CELF4: variants seen among roughly 807,000 people sequenced by gnomAD.
The protein encoded by CELF4 is CUG-BP- and ETR-3-like factor 4.
Under a neutral mutation model 59.9 loss-of-function variants are expected in CELF4, and 18 were observed. That is an observed-to-expected ratio of 0.30 (90% CI 0.21 to 0.45). The LOEUF (loss-of-function observed/expected upper bound fraction) is 0.45, where lower values mean the gene tolerates loss of function less well. Among genes scored for constraint, CELF4 ranks in the 20% least tolerant of loss-of-function variants. The pLI is 1.00. For synonymous variants in CELF4, 261 were observed against 267.1 expected (o/e 0.98, Z 0.22); for missense variants, 456 against 689.0 (o/e 0.66, Z 3.79).
At chr18:37,323,741 C>T (rs2097203512) in intron 2 of CELF4, among the ~76,000 whole-genome samples, 1 of 152,210 alleles carries the variant, frequency 6.6e-6, no homozygotes, top group South Asian at 2.1e-4. Flanking sequence ...GGACAGATTT[C>T]TACAGCTTTT....
chr18:37,421,280 G>T (rs1268311505), intron 2 of CELF4, among the ~76,000 whole-genome samples: 1 of 152,208 alleles, frequency 6.6e-6, no homozygotes, highest in African/African-American at 2.4e-5. Context: ...AGAACACAGG[G>T]CTCCCAGCTC....
chr18:37,281,854 G>A (rs1007828238), intron 3 of CELF4, among the ~76,000 whole-genome samples: 9 of 152,170 alleles, frequency 5.9e-5, no homozygotes, highest in Non-Finnish European at 1.0e-4. Flanking sequence ...CTCTGGGCCC[G>A]CAGGCAGTGA....
At chr18:37,523,225 C>G (rs1210196941) in intron 1 of CELF4, among the ~76,000 whole-genome samples, 1 of 152,138 alleles carries the variant, frequency 6.6e-6, no homozygotes, top group East Asian at 1.9e-4. Flanking sequence ...ATCCAGAAGT[C>G]TTCAGAGGCT....
At chr18:37,348,712 C>G (rs776834808) in intron 2 of CELF4, among the ~76,000 whole-genome samples, 2 of 152,212 alleles carry the variant, frequency 1.3e-5, no homozygotes, top group African/African-American at 4.8e-5. Flanking sequence ...CAAAACCCAT[C>G]GGGGGTCATT....
chr18:37,534,039 C>T (rs1258256419), intron 1 of CELF4, among the ~76,000 whole-genome samples: 3 of 152,194 alleles, frequency 2.0e-5, no homozygotes, highest in Admixed American at 6.5e-5. Flanking sequence ...TGGACCTGGC[C>T]GCTGGGCCCC....
intron 2 of CELF4, among the ~76,000 whole-genome samples, chr18:37,470,887 T>TGTGTGTGAGAGAGAGAGAGAGAGA (rs1325788685): frequency 8.3e-5 from 6 of 71,962 alleles, no homozygotes; most frequent in Admixed American, 1.8e-4. Flanking sequence ...TGTGTGTGTG[T>TGTGTGTGAGAGAGAGAGAGAGAGA]GACAGAGAGA....
rs117609614 is a variant in CELF4, at chr18:37,458,499, A to C, written c.369+27026T>G. On this transcript the variant is annotated intron_variant, in intron 2 of 12. Coordinates refer to ENST00000420428, the MANE Select transcript of CELF4 (RefSeq NM_020180.4). ...GTATTTCACCTCCTGGCATGGAATG[A>C]GGTTCTTCAACCTGCTATTTTTGGG... Among the ~76,000 whole-genome samples, 82 of 152,330 alleles carry C rather than the reference A, an allele frequency of 5.4e-4. No individual in the cohort carries two copies. In the East Asian group the frequency reaches 0.015, roughly 28 times the overall value.
intron 1 of CELF4, among the ~76,000 whole-genome samples, chr18:37,522,736 C>CCTGAGAGGTGAGAGGTGAG (rs2099958989): frequency 6.6e-6 from 1 of 152,176 alleles, no homozygotes; most frequent in Non-Finnish European, 1.5e-5. Flanking sequence ...CCGCTGGAGG[C>CCTGAGAGGTGAGAGGTGAG]CCTGGGCCAC....
At chr18:37,431,390 T>C (rs566350419) in intron 2 of CELF4, among the ~76,000 whole-genome samples, 167 of 127,390 alleles carry the variant, frequency 1.3e-3, no homozygotes, top group Middle Eastern at 4.5e-3. Flanking sequence ...TTTTTTGAGA[T>C]GGAGTCTTGT....
At chr18:37,414,902 A>G (rs1334267041) in intron 2 of CELF4, among the ~76,000 whole-genome samples, 1 of 152,080 alleles carries the variant, frequency 6.6e-6, no homozygotes, top group East Asian at 1.9e-4. Context: ...CTACTCATCT[A>G]TCTATCCATC....
At chr18:37,367,704 T>TC (rs1019179440) in intron 2 of CELF4, among the ~76,000 whole-genome samples, 1 of 151,752 alleles carries the variant, frequency 6.6e-6, no homozygotes, top group African/African-American at 2.4e-5. Context: ...TCTTTTTTTT[T>TC]TTTCTTAAAA....
At chr18:37,326,682 C>T (rs1228737930) in intron 2 of CELF4, among the ~76,000 whole-genome samples, 2 of 152,294 alleles carry the variant, frequency 1.3e-5, no homozygotes, top group Non-Finnish European at 2.9e-5. Context: ...CCCTTGTGGA[C>T]TGTGTTTCTA....
rs561935122 is a variant in CELF4, at chr18:37,524,380, G to A, written c.287-38773C>T. Reference sequence around the variant, plus strand: ...CCAACCCGAGGAATAAGGAGTCCAGGGTCTTTTAAAATCCCTGTCTCTGTT... The same window carrying A: ...CCAACCCGAGGAATAAGGAGTCCAGAGTCTTTTAAAATCCCTGTCTCTGTT... On this transcript the variant is annotated intron_variant, in intron 1 of 12. Transcript: ENST00000420428. 2.0e-5 allele frequency among the ~76,000 whole-genome samples: 3 copies of A among 152,236 alleles called. No homozygotes were observed. In the East Asian group the frequency reaches 5.8e-4, roughly 30 times the overall value.
intron 2 of CELF4, among the ~76,000 whole-genome samples, chr18:37,378,063 G>T (rs1212691182): frequency 6.6e-6 from 1 of 152,146 alleles, no homozygotes; most frequent in East Asian, 1.9e-4. Context: ...GGTAGGGGAA[G>T]ATAGTCACAC....
chr18:37,265,151 G>C (rs951652955), intron 9 of CELF4, among the ~76,000 whole-genome samples: 4 of 150,314 alleles, frequency 2.7e-5, no homozygotes, highest in Non-Finnish European at 5.9e-5. Flanking sequence ...CATGTGTGTG[G>C]GTGTATGTGT....
chr18:37,558,155 C>G (rs2099985374), intron 1 of CELF4, among the ~76,000 whole-genome samples: 1 of 151,952 alleles, frequency 6.6e-6, no homozygotes, highest in Non-Finnish European at 1.5e-5. Flanking sequence ...GCTTGCACCA[C>G]CATGCCCCAC....
chr18:37,246,645 C>A lies in CELF4; in HGVS notation c.*45-1448G>T, dbSNP rs1211471254. 6.6e-6 allele frequency among the ~76,000 whole-genome samples: 1 copy of A among 151,692 alleles called. No homozygotes were observed. Among genetic ancestry groups the A allele is most frequent in the Non-Finnish European group, 1.5e-5 (1 of 67,984 alleles). On this transcript the variant is annotated intron_variant, in intron 12 of 12. Coordinates refer to ENST00000420428, the MANE Select transcript of CELF4 (RefSeq NM_020180.4). The surrounding 1 kb of genome is among the most constrained non-coding windows in gnomAD (Gnocchi z 5.3). ...TGAAAATAGCCTAACTGGAAAAAGA[C>A]CAGACCTAGGAAAGTGTCAATTGAA...
chr18:37,386,848 G>A (rs1418655256), intron 2 of CELF4, among the ~76,000 whole-genome samples: 2 of 152,196 alleles, frequency 1.3e-5, no homozygotes, highest in Non-Finnish European at 2.9e-5. Context: ...CTCAGGGTAT[G>A]TACAGAGTGG....
chr18:37,307,933 G>T (rs929576140), intron 3 of CELF4, among the ~76,000 whole-genome samples: 2 of 152,204 alleles, frequency 1.3e-5, no homozygotes, highest in African/African-American at 4.8e-5. Flanking sequence ...AGCTGGGCAG[G>T]TGGGAAGGGT....
Sources: allele counts gnomAD v4.1 joint callset (sites outside exome capture counted in the v4.1 genomes callset), GRCh38; gene constraint gnomAD v4.1.1; non-coding constraint Gnocchi (gnomAD v3.1); transcripts MANE v1.5; gene names NCBI Gene and HGNC (gene_info 2026-07-23, HGNC 2026-07-21).